The following SUGCT variants were observed in gnomAD, a reference collection of about 807,000 sequenced individuals.
SUGCT encodes succinyl-CoA:glutarate CoA-transferase.
A neutral mutation model predicts 55.0 loss-of-function variants in SUGCT; 41 were observed. The observed-to-expected ratio is 0.74, with a 90% CI of 0.58 to 0.97. The LOEUF is 0.97. Among genes scored for constraint, SUGCT ranks in the 50% least tolerant of loss-of-function variants. The pLI is 0.00. For missense variants in SUGCT, 568 were observed against 547.8 expected, an observed-to-expected ratio of 1.04 and a Z score of -0.37; for synonymous variants, 187 against 200.4, an observed-to-expected ratio of 0.93 and a Z score of 0.56.
At chr7:40,614,813 G>A (rs1345263788) in intron 12 of SUGCT, among the ~76,000 whole-genome samples, 4 of 151,942 alleles carry the variant, frequency 2.6e-5, no homozygotes, top group African/African-American at 4.8e-5. Flanking sequence ...TAATCCCAGC[G>A]CTTTGGGAGG....
At chr7:41,038,484 C>G in the SUGCT span, among the ~76,000 whole-genome samples, 5 of 152,212 alleles carry the variant, frequency 3.3e-5, no homozygotes, top group Non-Finnish European at 7.3e-5. Flanking sequence ...CCTGAACAGA[C>G]AAGTAGTCAT....
intron 8 of SUGCT, among the ~76,000 whole-genome samples, chr7:40,291,643 C>T (rs1793780717): frequency 6.9e-6 from 1 of 144,938 alleles, no homozygotes; most frequent in South Asian, 2.3e-4. Context: ...TACCCTAAAA[C>T]TTAAAGTATA....
chr7:40,889,198 G>T, the SUGCT span, among the ~76,000 whole-genome samples: 1 of 152,162 alleles, frequency 6.6e-6, no homozygotes, highest in Admixed American at 6.5e-5. Context: ...GGACCCTGGT[G>T]GGTAGGCCAG....
At chr7:40,768,811 AC>A (rs1203770667) in intron 13 of SUGCT, among the ~76,000 whole-genome samples, 5 of 152,166 alleles carry the variant, frequency 3.3e-5, no homozygotes, top group Admixed American at 1.3e-4. Context: ...ACCTAACCAG[AC>A]CTCCAAACAC....
chr7:40,224,353 T>C (rs566302114), intron 6 of SUGCT, among the ~76,000 whole-genome samples: 114 of 152,210 alleles, frequency 7.5e-4, no homozygotes, highest in Non-Finnish European at 1.4e-3. Context: ...TAGTTTTTTT[T>C]CCCTCCTTAT....
the SUGCT span, among the ~76,000 whole-genome samples, chr7:40,952,134 C>T: frequency 3.9e-5 from 6 of 152,224 alleles, no homozygotes; most frequent in East Asian, 1.9e-4. Flanking sequence ...AATCTGGGTG[C>T]TCCTGTATTG....
chr7:40,525,313 T>C lies in SUGCT; in HGVS notation c.1089+28927T>C, dbSNP rs577908958. Among the ~76,000 whole-genome samples, 6 of 152,286 alleles carry C rather than the reference T, an allele frequency of 3.9e-5. No individual in the cohort carries two copies. The South Asian group carries it at 1.2e-3, about 32-fold the overall frequency. On this transcript the variant is annotated intron_variant, in intron 12 of 13. Transcript: ENST00000335693. ...TGAATATAGAACTGTGATTGGAGTG[T>C]AGGGTTCACATAAGGAAAGAGCCGG...
chr7:41,022,475 A>T, the SUGCT span, among the ~76,000 whole-genome samples: 362 of 152,292 alleles, frequency 2.4e-3, 5 homozygotes, highest in East Asian at 0.034. Flanking sequence ...ATTAGATGAG[A>T]ATTAACCCTG....
intron 6 of SUGCT, among the ~76,000 whole-genome samples, chr7:40,229,047 G>C (rs1452025234): frequency 6.6e-6 from 1 of 152,020 alleles, no homozygotes; most frequent in Non-Finnish European, 1.5e-5. Flanking sequence ...GATATTCCAG[G>C]AACATTTTGT....
chr7:40,461,526 A>G (rs1316585138), intron 11 of SUGCT, among the ~76,000 whole-genome samples: 1 of 152,194 alleles, frequency 6.6e-6, no homozygotes, highest in East Asian at 1.9e-4. Context: ...GGCCAGTTCT[A>G]GAAGCCTCTG....
At chr7:40,717,310 G>A (rs910121121) in intron 12 of SUGCT, among the ~76,000 whole-genome samples, 13 of 152,170 alleles carry the variant, frequency 8.5e-5, no homozygotes, top group African/African-American at 3.1e-4. Flanking sequence ...TTGGGCGAAG[G>A]GGAAAAAGGA....
chr7:40,207,053 G>T lies in SUGCT; in HGVS notation c.484+11993G>T, dbSNP rs552379993. ...GACTCTATAAAAAATAAAAAAATTA[G>T]CCAAGTGTGGTGGTGCGCACCTGTG... On this transcript the variant is annotated intron_variant, in intron 6 of 13. Transcript: ENST00000335693. 2.0e-3 allele frequency among the ~76,000 whole-genome samples: 307 copies of T among 152,056 alleles called. 2 individuals are homozygous for T. Among genetic ancestry groups the T allele is most frequent in the Non-Finnish European group, 3.4e-3 (231 of 67,972 alleles).
chr7:40,892,399 A>G, the SUGCT span, among the ~76,000 whole-genome samples: 1 of 152,258 alleles, frequency 6.6e-6, no homozygotes, highest in South Asian at 2.1e-4. Context: ...TCATACTACC[A>G]TGAACATTTA....
At chr7:40,770,616 A>G (rs1562992648) in intron 13 of SUGCT, among the ~76,000 whole-genome samples, 1 of 152,188 alleles carries the variant, frequency 6.6e-6, no homozygotes, top group African/African-American at 2.4e-5. Context: ...TCACCTGCAC[A>G]GGGGCTGGGA....
At chr7:40,370,662 CAGAG>C (rs1448296509) in intron 9 of SUGCT, among the ~76,000 whole-genome samples, 2 of 149,030 alleles carry the variant, frequency 1.3e-5, no homozygotes, top group South Asian at 2.1e-4. Context: ...GAGATGGAGA[CAGAG>C]AGACATTTAA....
chr7:40,456,512 A>G (rs1350444098), intron 10 of SUGCT, among the ~76,000 whole-genome samples: 1 of 152,182 alleles, frequency 6.6e-6, no homozygotes, highest in African/African-American at 2.4e-5. Context: ...TGTGAAGCTT[A>G]TATTTTAGCA....
intron 1 of SUGCT, among the ~76,000 whole-genome samples, chr7:40,180,248 A>G (rs1785121194): frequency 6.6e-6 from 1 of 150,626 alleles, no homozygotes; most frequent in African/African-American, 2.4e-5. Context: ...CTCAGCGAGT[A>G]GCTAGAATTA....
At chr7:40,968,722 CAA>C in the SUGCT span, among the ~76,000 whole-genome samples, 3 of 152,166 alleles carry the variant, frequency 2.0e-5, no homozygotes, top group African/African-American at 7.2e-5. Context: ...TTCACCAAGA[CAA>C]GAGGAGTAAC....
rs200438272 is a variant in SUGCT at position 40,811,335 on chromosome 7, G to A, written c.1154-48981G>A. Reference sequence around the variant, plus strand: ...TTGATAGTTTGATAGGAATGGCATTGAATATGTAGATTGCTTTGGGCTCTA... The same window carrying A: ...TTGATAGTTTGATAGGAATGGCATTAAATATGTAGATTGCTTTGGGCTCTA... On this transcript the variant is annotated intron_variant, in intron 13 of 13. Coordinates refer to ENST00000335693, the MANE Select transcript of SUGCT (RefSeq NM_001193313.2). Among the ~76,000 whole-genome samples the A allele has an allele frequency of 1.2e-4, 18 of 152,252 alleles. No individual in the cohort carries two copies. In the East Asian group the frequency reaches 2.9e-3, roughly 24 times the overall value.
Sources: allele counts gnomAD v4.1 joint callset (sites outside exome capture counted in the v4.1 genomes callset), GRCh38; gene constraint gnomAD v4.1.1; transcripts MANE v1.5; gene names NCBI Gene and HGNC (gene_info 2026-07-23, HGNC 2026-07-21).